EGFR: variants seen among roughly 807,000 people sequenced by gnomAD.
The protein encoded by EGFR is epidermal growth factor receptor, also known as avian erythroblastic leukemia viral (v-erb-b) oncogene homolog.
EGFR carries 58 observed loss-of-function variants against 143.0 expected under a neutral mutation model. The observed-to-expected ratio is 0.41, with a 90% CI of 0.33 to 0.50. The LOEUF (loss-of-function observed/expected upper bound fraction) is 0.50, where lower values mean the gene tolerates loss of function less well. Among genes scored for constraint, EGFR ranks in the 20% least tolerant of loss-of-function variants. EGFR has a pLI of 0.39. For missense variants in EGFR, 1,307 were observed against 1,579.0 expected, an observed-to-expected ratio of 0.83 and a Z score of 2.92; for synonymous variants, 613 against 594.4, an observed-to-expected ratio of 1.03 and a Z score of -0.45.
intron 1 of EGFR, among the ~76,000 whole-genome samples, chr7:55,088,895 T>G (rs1790930595): frequency 1.3e-5 from 2 of 152,242 alleles, no homozygotes; most frequent in Non-Finnish European, 2.9e-5. Context: ...CTTATTTATT[T>G]GGCTGTATTT....
intron 1 of EGFR, among the ~76,000 whole-genome samples, chr7:55,115,589 G>T (rs370334784): frequency 6.6e-6 from 1 of 152,048 alleles, no homozygotes; most frequent in Non-Finnish European, 1.5e-5. Flanking sequence ...ATCTCAAGGG[G>T]TTCCTGGAAG....
chr7:55,188,644 C>T (rs538464649), intron 20 of EGFR, among the ~76,000 whole-genome samples: 5 of 152,246 alleles, frequency 3.3e-5, no homozygotes, highest in African/African-American at 7.2e-5. Flanking sequence ...TTTCTTCCTG[C>T]GACCTCTGCT....
chr7:55,175,943 A>G (rs1048662937), intron 19 of EGFR, among the ~76,000 whole-genome samples: 1 of 152,260 alleles, frequency 6.6e-6, no homozygotes, highest in East Asian at 1.9e-4. Context: ...ATATAATACA[A>G]TAAAAAATCT....
intron 1 of EGFR, among the ~76,000 whole-genome samples, chr7:55,078,405 C>A (rs1790260369): frequency 6.6e-6 from 1 of 152,098 alleles, no homozygotes; most frequent in South Asian, 2.1e-4. Context: ...CACGTAGAGA[C>A]ACTATTTTTC....
intron 6 of EGFR, among the ~76,000 whole-genome samples, chr7:55,153,071 A>T (rs1359698299): frequency 6.6e-6 from 1 of 152,178 alleles, no homozygotes; most frequent in African/African-American, 2.4e-5. Context: ...CTATACCTCT[A>T]GAGACTTGAC....
chr7:55,171,097 A>G, intron 15 of EGFR, 78 bp from the exon 16 acceptor site: 1 of 1,599,290 alleles, frequency 6.3e-7, no homozygotes, highest in Non-Finnish European at 8.5e-7. Context: ...TTGCTTTATG[A>G]TTTAATTAAA....
rs2128964558 is a variant in EGFR at position 55,191,798 on chromosome 7, A to T, written c.2549A>T (p.His850Leu). The change falls in exon 21 of 28, where the codon CAT becomes CTT. Residue 850 changes from histidine (H) to leucine (L), a missense_variant. Physicochemically the swap from His to Leu is moderately conservative, Grantham distance 99. This residue lies in a region of EGFR where 348 missense variants were observed against 451.5 expected (regional missense o/e 0.77). Transcript: ENST00000275493. ...ARNVLVKTPQ[H>L]VKITDFGLAK... Reference sequence around the variant, plus strand: ...AACGTACTGGTGAAAACACCGCAGCATGTCAAGATCACAGATTTTGGGCTG... The same window carrying T: ...AACGTACTGGTGAAAACACCGCAGCTTGTCAAGATCACAGATTTTGGGCTG... 6.2e-7 allele frequency: 1 copy of T among 1,614,126 alleles called. No homozygotes were observed. The highest frequency in any genetic ancestry group is 8.5e-7 in the Non-Finnish European group (1 of 1,180,028).
chr7:55,168,854 C>T (rs966372168), intron 15 of EGFR, among the ~76,000 whole-genome samples: 1 of 152,120 alleles, frequency 6.6e-6, no homozygotes, highest in Non-Finnish European at 1.5e-5. Context: ...ATTTCTTTCA[C>T]TGAGTATTTA....
chr7:55,165,314 T>A lies in EGFR; in HGVS notation c.1757T>A (p.Ile586Asn), dbSNP rs542237406. 1 of 1,614,178 alleles carries A rather than the reference T, an allele frequency of 6.2e-7. No individual in the cohort carries two copies. Among genetic ancestry groups the A allele is most frequent in the Admixed American group, 1.7e-5 (1 of 60,018 alleles). The change falls in exon 15 of 28, where the codon ATT (isoleucine) becomes AAT (asparagine). Residue 586 changes from isoleucine to asparagine, a missense_variant. Physicochemically the swap from Ile to Asn is moderately radical, Grantham distance 149. Transcript: ENST00000275493. ...AACTGTATCCAGTGTGCCCACTACA[T>A]TGACGGCCCCCACTGCGTCAAGACC... The part of the protein sequence containing the change: ...PDNCIQCAHY[I>N]DGPHCVKTCP...
chr7:55,164,805 A>G (rs1785885258), intron 14 of EGFR, among the ~76,000 whole-genome samples: 1 of 152,160 alleles, frequency 6.6e-6, no homozygotes, highest in Non-Finnish European at 1.5e-5. Flanking sequence ...GTAGCGTATG[A>G]CTCAGTCCTT....
chr7:55,052,244 TC>T (rs1788533781), intron 1 of EGFR, among the ~76,000 whole-genome samples: 1 of 152,200 alleles, frequency 6.6e-6, no homozygotes, highest in Non-Finnish European at 1.5e-5. Flanking sequence ...GTGCAGCACA[TC>T]TATGACCAGG....
chr7:55,204,763 T>C (rs1383616587), intron 27 of EGFR, among the ~76,000 whole-genome samples: 1 of 120,564 alleles, frequency 8.3e-6, no homozygotes, highest in Non-Finnish European at 1.7e-5. Flanking sequence ...ACATACACAA[T>C]AGACACATAC....
chr7:55,199,781 C>CT, intron 23 of EGFR, among the ~76,000 whole-genome samples: 1 of 116,430 alleles, frequency 8.6e-6, no homozygotes, highest in South Asian at 3.4e-4. Context: ...CACAGCCAGC[C>CT]CTCTCACTTG....
At chr7:55,090,222 T>C (rs11978754) in intron 1 of EGFR, among the ~76,000 whole-genome samples, 29,119 of 152,090 alleles carry the variant, frequency 0.19, 3,200 homozygotes, top group African/African-American at 0.28. Context: ...CCACCTCGGC[T>C]TCCCAAAGTG....
intron 1 of EGFR, among the ~76,000 whole-genome samples, chr7:55,020,559 T>TACACACACACACACAC (rs11568315): frequency 3.6e-4 from 53 of 145,238 alleles, no homozygotes; most frequent in African/African-American, 9.7e-4. Context: ...AAACCTGTCT[T>TACACACACACACACAC]ACACACACAC....
chr7:55,132,923 A>G (rs1310158110), intron 1 of EGFR, among the ~76,000 whole-genome samples: 1 of 152,284 alleles, frequency 6.6e-6, no homozygotes, highest in East Asian at 1.9e-4. Context: ...GCCTGGCCAA[A>G]GGGTCATCAT....
chr7:55,204,235 CACACACCACACACACAT>C (rs924200385), intron 27 of EGFR, among the ~76,000 whole-genome samples: 2 of 147,984 alleles, frequency 1.4e-5, no homozygotes, highest in East Asian at 2.0e-4. Context: ...CAAACGTACA[CACACACCACACACACAT>C]ACACACCACA....
At position 55,181,408 on chromosome 7, in the gene EGFR, A is replaced by G. The variant is rs1786868892; in HGVS notation, c.2399A>G (p.Asp800Gly). The change falls in exon 20 of 28, where the codon GAC (aspartate) becomes GGC (glycine). Residue 800 changes from aspartate to glycine, a missense_variant. By Grantham distance (94) the Asp-to-Gly change is moderately conservative. Around this residue, in one of 7 missense-constraint regions of EGFR, gnomAD observed 348 missense variants for 451.5 expected, o/e 0.77. Transcript: ENST00000275493. ...CTCATGCCCTTCGGCTGCCTCCTGGACTATGTCCGGGAACACAAAGACAAT... is the reference window on the plus strand; with the variant it reads ...CTCATGCCCTTCGGCTGCCTCCTGGGCTATGTCCGGGAACACAAAGACAAT... Reference protein sequence around the residue: ...TQLMPFGCLLDYVREHKDNIG... With the variant: ...TQLMPFGCLLGYVREHKDNIG... 1 of 1,614,206 alleles carries G rather than the reference A, an allele frequency of 6.2e-7. No individual in the cohort carries two copies. The highest frequency in any genetic ancestry group is 8.5e-7 in the Non-Finnish European group (1 of 1,180,036).
intron 1 of EGFR, among the ~76,000 whole-genome samples, chr7:55,041,225 C>T (rs972984262): frequency 5.3e-5 from 8 of 152,160 alleles, no homozygotes; most frequent in Non-Finnish European, 1.2e-4. Flanking sequence ...CCAGCCTGGC[C>T]AACATGGCAA....
Sources: gnomAD v4.1 joint callset for allele counts (sites outside exome capture counted in the v4.1 genomes callset) on GRCh38, gnomAD v4.1.1 for gene constraint, gnomAD v4.1.1 regional missense constraint, MANE v1.5 for transcripts, NCBI Gene and HGNC (gene_info 2026-07-23, HGNC 2026-07-21) for gene names.